The following ZFP64 variants were observed in gnomAD, a reference collection of about 807,000 sequenced individuals.
ZFP64 encodes the protein ZFP64 zinc finger protein.
Under a neutral mutation model 51.6 loss-of-function variants are expected in ZFP64, and 14 were observed. The observed-to-expected ratio is 0.27, with a 90% CI of 0.18 to 0.42. The LOEUF (loss-of-function observed/expected upper bound fraction) is 0.42, where lower values mean the gene tolerates loss of function less well. Ranked by LOEUF, ZFP64 falls within the 10% of genes least tolerant of loss-of-function variation. ZFP64 has a pLI of 1.00. For missense variants in ZFP64, 754 were observed against 906.8 expected, an observed-to-expected ratio of 0.83 and a Z score of 2.16; for synonymous variants, 375 against 361.4, an observed-to-expected ratio of 1.04 and a Z score of -0.43.
At chr20:52,126,950 T>C (rs1979475611) in intron 5 of ZFP64, among the ~76,000 whole-genome samples, 1 of 151,624 alleles carries the variant, frequency 6.6e-6, no homozygotes, top group Non-Finnish European at 1.5e-5. Context: ...TGGTTAGGCT[T>C]TGTCAGAATT....
At chr20:52,187,918 A>G (rs181212129) in intron 1 of ZFP64, among the ~76,000 whole-genome samples, 1 of 152,296 alleles carries the variant, frequency 6.6e-6, no homozygotes, top group Admixed American at 6.5e-5. Flanking sequence ...ACATTTCCAA[A>G]CATACTCACC....
chr20:52,137,952 G>A (rs893408734), intron 5 of ZFP64, among the ~76,000 whole-genome samples: 1 of 152,044 alleles, frequency 6.6e-6, no homozygotes, highest in African/African-American at 2.4e-5. Context: ...AAAGCGAGCA[G>A]ATTGCTTGAG....
Position 52,160,179 on chromosome 20 carries a change from C to T in ZFP64, c.707G>A (p.Cys236Tyr). The T allele has an allele frequency of 6.2e-7, 1 of 1,614,146 alleles. No individual in the cohort carries two copies. The highest frequency in any genetic ancestry group is 8.5e-7 in the Non-Finnish European group (1 of 1,180,030). Residue 236 changes from cysteine to tyrosine, a missense_variant, in exon 5 of 6, where the codon TGC (cysteine) becomes TAC (tyrosine). Transcript: ENST00000216923. This position sits in a 1 kb window ranked among gnomAD's most constrained non-coding sequence, Gnocchi z 4.2. ...GCTGGAGTTGCGGCTGGCGTAGGGG[C>T]AGATCTGGCATTTGAAGGGCCGCTC... Reference protein sequence around the residue: ...SDERPFKCQICPYASRNSSQL... With the variant: ...SDERPFKCQIYPYASRNSSQL...
At chr20:52,165,214 T>C in intron 3 of ZFP64, 1 of 456,894 alleles carries the variant, frequency 2.2e-6, no homozygotes, top group Non-Finnish European at 4.4e-6. Context: ...GAAATCTGAC[T>C]AAGGTCAGTA....
At chr20:52,146,087 AC>A (rs1443812373) in intron 5 of ZFP64, among the ~76,000 whole-genome samples, 1 of 152,092 alleles carries the variant, frequency 6.6e-6, no homozygotes, top group Admixed American at 6.6e-5. Flanking sequence ...TAAAAAAAAA[AC>A]AAACTAAGAC....
intron 5 of ZFP64, chr20:52,104,839 C>T (rs972618249): frequency 9.4e-6 from 6 of 639,310 alleles, no homozygotes; most frequent in Middle Eastern, 2.5e-4. Flanking sequence ...AAAACAGCCT[C>T]TGAGGGGTCC....
intron 2 of ZFP64, chr20:52,175,857 C>CCCG: frequency 4.2e-4 from 157 of 375,896 alleles, no homozygotes; most frequent in Non-Finnish European, 5.2e-4. Context: ...CCCGCACCCC[C>CCCG]GCTGCCGCCC....
chr20:52,187,596 T>C (rs889095033), intron 1 of ZFP64, among the ~76,000 whole-genome samples: 9 of 151,956 alleles, frequency 5.9e-5, no homozygotes, highest in Non-Finnish European at 1.5e-5. Flanking sequence ...CACTCCAGCC[T>C]GGGGGACAAG....
At chr20:52,175,910 C>A (rs895711472) in intron 2 of ZFP64, 251 of 965,620 alleles carry the variant, frequency 2.6e-4, no homozygotes, top group Non-Finnish European at 2.9e-4. Context: ...AAGAGAAAAT[C>A]CACCCCTTTC....
chr20:52,097,278 C>T (rs901992173), intron 7 of ZFP64: 4 of 1,420,778 alleles, frequency 2.8e-6, no homozygotes, highest in Non-Finnish European at 3.0e-6. Context: ...GCAGATGAGG[C>T]AGAGACTGTC....
intron 5 of ZFP64, among the ~76,000 whole-genome samples, chr20:52,157,977 T>C (rs1395792385): frequency 6.6e-6 from 1 of 152,192 alleles, no homozygotes; most frequent in African/African-American, 2.4e-5. Flanking sequence ...GCTTCATCCA[T>C]GTCCCTGCAA....
intron 5 of ZFP64, chr20:52,104,859 C>T (rs759156811): frequency 1.8e-5 from 12 of 662,430 alleles, no homozygotes; most frequent in Non-Finnish European, 3.1e-5. Flanking sequence ...CTCTGAGCAT[C>T]CTTCCAGCGT....
At chr20:52,094,015 C>A (rs950073534) in intron 7 of ZFP64, among the ~76,000 whole-genome samples, 2 of 151,992 alleles carry the variant, frequency 1.3e-5, no homozygotes, top group African/African-American at 4.8e-5. Context: ...GAGAAGAGTC[C>A]ATCCAAATTG....
At chr20:52,171,524 C>G (rs1600798173) in intron 2 of ZFP64, among the ~76,000 whole-genome samples, 16 of 152,084 alleles carry the variant, frequency 1.1e-4, no homozygotes, top group Admixed American at 1.0e-3. Context: ...GAGTCTCGCT[C>G]TGTTGCCCAG....
chr20:52,165,333 G>T (rs931271844), intron 3 of ZFP64: 1 of 456,016 alleles, frequency 2.2e-6, no homozygotes, highest in African/African-American at 2.0e-5. Context: ...AAGTATTTAG[G>T]AATAAAGGGG....
At chr20:52,110,700 C>T in intron 5 of ZFP64, 1 of 1,566,220 alleles carries the variant, frequency 6.4e-7, no homozygotes, top group Non-Finnish European at 8.7e-7. Flanking sequence ...GCCCCTTCAG[C>T]CAGCGCTGGA....
Position 52,152,001 on chromosome 20 carries a change from C to T in ZFP64, c.*145G>A. On this transcript the variant is annotated 3_prime_UTR_variant, in exon 6 of 6. Coordinates refer to ENST00000216923, the MANE Select transcript of ZFP64 (RefSeq NM_018197.3). Reference sequence around the variant, plus strand: ...GCAGTGAGCCAAGATAGCGCCACTGCACTCCAGCCTGGGAAACAGAGCGAG... The same window carrying T: ...GCAGTGAGCCAAGATAGCGCCACTGTACTCCAGCCTGGGAAACAGAGCGAG... 2 of 1,428,148 alleles carry T rather than the reference C, an allele frequency of 1.4e-6. No homozygotes were observed. Among genetic ancestry groups the T allele is most frequent in the South Asian group, 1.5e-5 (1 of 66,196 alleles). The allele number at this position is 1,428,148 out of a possible 1,614,324, so 88.5% of individuals were successfully genotyped here. A position where few individuals can be genotyped will look rare whatever the true frequency, so the allele number is the denominator to read the frequency against.
downstream of ZFP64, among the ~76,000 whole-genome samples, chr20:52,147,737 G>A (rs887875716): frequency 2.6e-5 from 4 of 152,016 alleles, no homozygotes; most frequent in East Asian, 1.9e-4. Flanking sequence ...ACACAGGACC[G>A]GGCACCGTGG....
intron 5 of ZFP64, among the ~76,000 whole-genome samples, chr20:52,124,827 C>A (rs1011716458): frequency 6.6e-6 from 1 of 151,646 alleles, no homozygotes; most frequent in Non-Finnish European, 1.5e-5. Context: ...TGGTCTTGAA[C>A]TTCTGGGCTC....
Sources: gnomAD v4.1 joint callset for allele counts (sites outside exome capture counted in the v4.1 genomes callset) on GRCh38, gnomAD v4.1.1 for gene constraint, Gnocchi (gnomAD v3.1) non-coding constraint, MANE v1.5 for transcripts, NCBI Gene and HGNC (gene_info 2026-07-23, HGNC 2026-07-21) for gene names.